The following STX8 variants were observed in gnomAD, a reference collection of about 807,000 sequenced individuals.
The protein encoded by STX8 is syntaxin-8.
In STX8, 23 loss-of-function variants were observed where a neutral mutation model predicts 37.5. That is an observed-to-expected ratio of 0.61 (90% CI 0.44 to 0.87). The LOEUF (loss-of-function observed/expected upper bound fraction) is 0.87. Among genes scored for constraint, STX8 ranks in the 40% least tolerant of loss-of-function variants. The pLI is 0.00. For synonymous variants in STX8, 115 were observed against 99.1 expected (o/e 1.16, Z -0.95); for missense variants, 313 against 284.7 (o/e 1.10, Z -0.71).
At chr17:9,418,291 T>C (rs921542182) in intron 6 of STX8, among the ~76,000 whole-genome samples, 1 of 152,070 alleles carries the variant, frequency 6.6e-6, no homozygotes, top group Non-Finnish European at 1.5e-5. Context: ...CTGATTGGTA[T>C]AGGGTGCAGC....
intron 7 of STX8, among the ~76,000 whole-genome samples, chr17:9,346,507 C>A (rs989175477): frequency 2.0e-5 from 3 of 152,194 alleles, no homozygotes; most frequent in South Asian, 4.1e-4. Context: ...GCAATGACCA[C>A]AAACCACTAA....
At chr17:9,352,511 A>C (rs1597620194) in intron 7 of STX8, among the ~76,000 whole-genome samples, 1 of 117,004 alleles carries the variant, frequency 8.5e-6, no homozygotes, top group Admixed American at 1.1e-4. Context: ...TCTGTGGCCC[A>C]GGCGGGAGTG....
At chr17:9,358,537 A>G (rs570315138) in intron 7 of STX8, among the ~76,000 whole-genome samples, 5 of 152,314 alleles carry the variant, frequency 3.3e-5, no homozygotes, top group African/African-American at 9.6e-5. Context: ...ACACAGTAAC[A>G]GTTTTTAAAT....
intron 7 of STX8, among the ~76,000 whole-genome samples, chr17:9,256,250 A>G (rs11653361): frequency 0.086 from 13,127 of 152,136 alleles, 758 homozygotes; most frequent in Non-Finnish European, 0.12. Context: ...CCACACGCTC[A>G]CCCTTGTCTA....
intron 4 of STX8, among the ~76,000 whole-genome samples, chr17:9,543,302 T>TG (rs1268138704): frequency 2.0e-5 from 3 of 150,350 alleles, no homozygotes; most frequent in Non-Finnish European, 3.0e-5. Context: ...GTTTTTTGGT[T>TG]TTTTTTTTTG....
chr17:9,397,382 G>T (rs1273044887), intron 6 of STX8, among the ~76,000 whole-genome samples: 1 of 152,038 alleles, frequency 6.6e-6, no homozygotes, highest in East Asian at 1.9e-4. Flanking sequence ...GGTGACAAGA[G>T]CAAGACTCCG....
intron 4 of STX8, among the ~76,000 whole-genome samples, chr17:9,535,409 G>T (rs1241730982): frequency 8.0e-6 from 1 of 124,338 alleles, no homozygotes; most frequent in African/African-American, 3.0e-5. Context: ...CATACCCTCT[G>T]ACCCAGCCAT....
rs1352908618 is a variant in STX8 at position 9,418,525 on chromosome 17, AAAAAAAC to A, written c.542-39879_542-39873del. On this transcript the variant is annotated intron_variant, in intron 6 of 7. Transcript: ENST00000306357. ...GTTCTTTCCGTTTTTCTAAAAAAAA[AAAAAAAC>A]AAAAAAAAAAACAAGGCTGGGTGCA... Among the ~76,000 whole-genome samples the A allele has an allele frequency of 4.6e-4, 69 of 150,358 alleles. 1 individual carries two copies. The highest frequency in any genetic ancestry group is 1.7e-3 in the African/African-American group (69 of 40,452).
intron 4 of STX8, among the ~76,000 whole-genome samples, chr17:9,525,622 A>T (rs1905537209): frequency 6.6e-6 from 1 of 152,142 alleles, no homozygotes; most frequent in Non-Finnish European, 1.5e-5. Flanking sequence ...CTGGGATTAC[A>T]AGCGTGAGCC....
chr17:9,423,850 C>T (rs1273403000), intron 6 of STX8, among the ~76,000 whole-genome samples: 2 of 152,270 alleles, frequency 1.3e-5, no homozygotes, highest in African/African-American at 2.4e-5. Flanking sequence ...ATATCAGTCA[C>T]GGGCTGAGTT....
chr17:9,256,707 C>T (rs945238722), intron 7 of STX8, among the ~76,000 whole-genome samples: 4 of 152,224 alleles, frequency 2.6e-5, no homozygotes, highest in Non-Finnish European at 4.4e-5. Context: ...AAGGCAGAGG[C>T]AGGGAAGAGC....
chr17:9,378,285 C>G, intron 7 of STX8: 1 of 360,114 alleles, frequency 2.8e-6, no homozygotes, highest in Non-Finnish European at 5.2e-6. Context: ...TTTCCCAAAC[C>G]ATTAATCTCT....
chr17:9,446,801 G>C (rs1904867196), intron 6 of STX8, among the ~76,000 whole-genome samples: 2 of 152,126 alleles, frequency 1.3e-5, no homozygotes, highest in African/African-American at 4.8e-5. Context: ...CACTGAGAGT[G>C]AGACAGAAGA....
rs189403042 is a variant in STX8, at chr17:9,524,685, C to T, written c.324-19523G>A. ...TAGCCATCACTTCCACCTCAATAAC[C>T]TTGATTTGCTATTATTACACCAATT... On this transcript the variant is annotated intron_variant, in intron 4 of 7. Coordinates refer to ENST00000306357, the MANE Select transcript of STX8 (RefSeq NM_004853.3). Among the ~76,000 whole-genome samples the T allele has an allele frequency of 1.1e-4, 17 of 152,252 alleles. No homozygotes were observed. In the East Asian group the frequency reaches 3.1e-3, roughly 28 times the overall value.
At chr17:9,275,596 G>A (rs961307262) in intron 7 of STX8, among the ~76,000 whole-genome samples, 3 of 152,292 alleles carry the variant, frequency 2.0e-5, no homozygotes, top group East Asian at 3.9e-4. Context: ...CAGGTTGGGC[G>A]CAGTGGCTCA....
chr17:9,506,181 G>C (rs1179445639), intron 4 of STX8, among the ~76,000 whole-genome samples: 1 of 151,768 alleles, frequency 6.6e-6, no homozygotes, highest in Non-Finnish European at 1.5e-5. Context: ...ATGTTTTCAG[G>C]ATTTTTCTCC....
chr17:9,414,141 T>TCCGTCCATCTGTCCACCCAC (rs1913095447), intron 6 of STX8, among the ~76,000 whole-genome samples: 1 of 20,450 alleles, frequency 4.9e-5, no homozygotes, highest in Non-Finnish European at 1.2e-4. Context: ...CATCCATCCA[T>TCCGTCCATCTGTCCACCCAC]CCATCCATCC....
chr17:9,303,866 T>C (rs1908868121), intron 7 of STX8, among the ~76,000 whole-genome samples: 1 of 152,160 alleles, frequency 6.6e-6, no homozygotes, highest in Non-Finnish European at 1.5e-5. Context: ...AAATAATTCC[T>C]TTATGTTATG....
At chr17:9,492,904 G>GCTAACA (rs1188709790) in intron 5 of STX8, among the ~76,000 whole-genome samples, 1 of 152,048 alleles carries the variant, frequency 6.6e-6, no homozygotes, top group African/African-American at 2.4e-5. Flanking sequence ...GACCATCCTG[G>GCTAACA]CTAACAAAGT....
Sources: allele counts gnomAD v4.1 joint callset (sites outside exome capture counted in the v4.1 genomes callset), GRCh38; gene constraint gnomAD v4.1.1; transcripts MANE v1.5; gene names NCBI Gene and HGNC (gene_info 2026-07-23, HGNC 2026-07-21).